The following CNTNAP2 variants were observed in gnomAD, a reference collection of about 807,000 sequenced individuals.
CNTNAP2 encodes contactin associated protein 2.
Under a neutral mutation model 155.2 loss-of-function variants are expected in CNTNAP2, and 98 were observed. That is an observed-to-expected ratio of 0.63 (90% CI 0.54 to 0.75). The LOEUF is 0.75. Among genes scored for constraint, CNTNAP2 ranks in the 30% least tolerant of loss-of-function variants. CNTNAP2 has a pLI of 0.00. For synonymous variants in CNTNAP2, 651 were observed against 631.2 expected, an observed-to-expected ratio of 1.03 and a Z score of -0.47; for missense variants, 1,727 against 1,688.1, an observed-to-expected ratio of 1.02 and a Z score of -0.40.
At chr7:147,154,353 A>G (rs1173292531) in intron 8 of CNTNAP2, among the ~76,000 whole-genome samples, 1 of 152,120 alleles carries the variant, frequency 6.6e-6, no homozygotes, top group African/African-American at 2.4e-5. Context: ...AGTTAAAGAG[A>G]GTGTATGTTT....
intron 10 of CNTNAP2, among the ~76,000 whole-genome samples, chr7:147,432,991 G>A (rs1246899608): frequency 1.3e-5 from 2 of 152,172 alleles, no homozygotes; most frequent in African/African-American, 4.8e-5. Flanking sequence ...TAAAACACTG[G>A]TGCCTGGCAG....
intron 8 of CNTNAP2, among the ~76,000 whole-genome samples, chr7:147,205,489 C>T (rs1043037628): frequency 2.6e-5 from 4 of 152,048 alleles, no homozygotes; most frequent in Non-Finnish European, 5.9e-5. Context: ...AATCTAAAAA[C>T]ATGGAATATC....
intron 11 of CNTNAP2, among the ~76,000 whole-genome samples, chr7:147,492,882 T>C (rs1798634664): frequency 6.6e-6 from 1 of 152,198 alleles, no homozygotes; most frequent in Admixed American, 6.5e-5. Flanking sequence ...TGTGCTATCT[T>C]GGTTTTGTGT....
At chr7:146,213,259 A>G (rs1258111732) in intron 1 of CNTNAP2, among the ~76,000 whole-genome samples, 2 of 152,152 alleles carry the variant, frequency 1.3e-5, no homozygotes, top group Non-Finnish European at 2.9e-5. Context: ...CTTTCTTTAT[A>G]TTTTTAAATT....
intron 1 of CNTNAP2, among the ~76,000 whole-genome samples, chr7:146,364,803 A>G (rs1036666282): frequency 6.6e-5 from 10 of 152,170 alleles, no homozygotes; most frequent in African/African-American, 2.2e-4. Context: ...GAAGACACAT[A>G]CACTACAGGA....
chr7:148,283,032 C>T (rs903681066), intron 21 of CNTNAP2, among the ~76,000 whole-genome samples: 1 of 151,584 alleles, frequency 6.6e-6, no homozygotes, highest in Non-Finnish European at 1.5e-5. Context: ...GTCAGGAGTT[C>T]GAGACCAGCC....
chr7:148,276,564 A>T (rs569180745), intron 21 of CNTNAP2, among the ~76,000 whole-genome samples: 2 of 152,374 alleles, frequency 1.3e-5, no homozygotes, highest in Admixed American at 6.5e-5. Context: ...AGTGCAGATG[A>T]CAGCGAATCG....
chr7:147,638,856 T>C (rs1161534015), intron 12 of CNTNAP2: 9 of 616,390 alleles, frequency 1.5e-5, no homozygotes, highest in Non-Finnish European at 2.4e-5. Flanking sequence ...TTTTTTTTTC[T>C]TTTTTTGCCT....
chr7:147,545,687 C>A (rs1047747615), intron 11 of CNTNAP2, among the ~76,000 whole-genome samples: 1 of 152,124 alleles, frequency 6.6e-6, no homozygotes, highest in Non-Finnish European at 1.5e-5. Context: ...TCAGCTGGGC[C>A]ATATGCTGCC....
chr7:147,073,913 G>T, intron 4 of CNTNAP2, among the ~76,000 whole-genome samples: 1 of 152,164 alleles, frequency 6.6e-6, no homozygotes, highest in East Asian at 1.9e-4. Flanking sequence ...GTCAGAAAAT[G>T]CAGTGTGGCA....
chr7:148,075,155 G>A (rs1177072594), intron 15 of CNTNAP2, among the ~76,000 whole-genome samples: 3 of 152,078 alleles, frequency 2.0e-5, no homozygotes, highest in Admixed American at 1.3e-4. Context: ...AAAAAAATTA[G>A]GTCAGGTGTG....
chr7:148,211,091 C>T (rs1795540146), intron 18 of CNTNAP2, among the ~76,000 whole-genome samples: 1 of 152,202 alleles, frequency 6.6e-6, no homozygotes, highest in African/African-American at 2.4e-5. Context: ...CCATAAAATT[C>T]ACTTAACTCT....
intron 14 of CNTNAP2, among the ~76,000 whole-genome samples, chr7:147,958,855 A>G (rs1801068817): frequency 6.6e-6 from 1 of 152,162 alleles, no homozygotes; most frequent in Non-Finnish European, 1.5e-5. Context: ...AGCCTTGTGC[A>G]TATGAATTAC....
intron 1 of CNTNAP2, among the ~76,000 whole-genome samples, chr7:146,423,431 G>A (rs1248920174): frequency 6.6e-6 from 1 of 152,162 alleles, no homozygotes; most frequent in Non-Finnish European, 1.5e-5. Flanking sequence ...GCAGATAAAA[G>A]CCATGGAAGA....
At chr7:146,999,512 G>A (rs139902412) in intron 3 of CNTNAP2, among the ~76,000 whole-genome samples, 1 of 151,786 alleles carries the variant, frequency 6.6e-6, no homozygotes, top group East Asian at 1.9e-4. Flanking sequence ...AGTGATTTTT[G>A]TTTTACTCAC....
chr7:148,175,707 T>C (rs1794922281), intron 18 of CNTNAP2, among the ~76,000 whole-genome samples: 1 of 152,050 alleles, frequency 6.6e-6, no homozygotes, highest in Non-Finnish European at 1.5e-5. Flanking sequence ...ATAGCCCAGG[T>C]CATAAAATAG....
chr7:147,315,306 G>A (rs943736139), intron 9 of CNTNAP2, among the ~76,000 whole-genome samples: 2 of 150,610 alleles, frequency 1.3e-5, no homozygotes, highest in African/African-American at 4.9e-5. Context: ...AATATTCACA[G>A]AGTCTTGTAA....
At chr7:146,712,970 C>T (rs867608651) in intron 1 of CNTNAP2, among the ~76,000 whole-genome samples, 2 of 151,798 alleles carry the variant, frequency 1.3e-5, no homozygotes, top group East Asian at 3.9e-4. Context: ...CTGACCTGTA[C>T]CCCTCCCTTA....
intron 20 of CNTNAP2, among the ~76,000 whole-genome samples, chr7:148,235,799 T>C (rs1796033195): frequency 6.6e-6 from 1 of 150,874 alleles, no homozygotes; most frequent in Non-Finnish European, 1.5e-5. Context: ...GAATCTCCTG[T>C]GTCAGTCTCC....
Sources: allele counts gnomAD v4.1 joint callset (sites outside exome capture counted in the v4.1 genomes callset), GRCh38; gene constraint gnomAD v4.1.1; transcripts MANE v1.5; gene names NCBI Gene and HGNC (gene_info 2026-07-23, HGNC 2026-07-21).